PCDHA4: variants seen among roughly 807,000 people sequenced by gnomAD.
The protein encoded by PCDHA4 is protocadherin alpha-4.
Under a neutral mutation model 61.4 loss-of-function variants are expected in PCDHA4, and 49 were observed. The ratio of observed to expected loss-of-function variants is 0.80; its 90% CI spans 0.63 to 1.01. The LOEUF (loss-of-function observed/expected upper bound fraction) is 1.01. Ranked by LOEUF, PCDHA4 falls within the 50% of genes least tolerant of loss-of-function variation. The probability of loss-of-function intolerance (pLI) is 0.00; values close to 1 mark genes in which losing one functional copy is unlikely to be tolerated. For missense variants in PCDHA4, 1,254 were observed against 1,235.8 expected, an observed-to-expected ratio of 1.01 and a Z score of -0.22; for synonymous variants, 590 against 550.3, an observed-to-expected ratio of 1.07 and a Z score of -1.01.
At chr5:141,006,993 T>A (rs1484865636) in intron 3 of PCDHA4, among the ~76,000 whole-genome samples, 5 of 152,290 alleles carry the variant, frequency 3.3e-5, no homozygotes, top group African/African-American at 4.8e-5. Flanking sequence ...GCTTAAAATA[T>A]AAGTCTGCAT....
At chr5:140,869,484 C>T (rs782167038) in intron 1 of PCDHA4, 2 of 1,613,948 alleles carry the variant, frequency 1.2e-6, no homozygotes, top group South Asian at 2.2e-5. Flanking sequence ...AGGACATTAA[C>T]GACAACCCGC....
chr5:140,836,654 G>A (rs1164686105), intron 1 of PCDHA4: 7 of 1,613,324 alleles, frequency 4.3e-6, no homozygotes, highest in Middle Eastern at 1.6e-4. Context: ...GGCGGCAGAG[G>A]GTGTGCTCTG....
intron 1 of PCDHA4, chr5:140,854,468 A>G (rs1581342472): frequency 6.7e-6 from 1 of 150,046 alleles, no homozygotes; most frequent in African/African-American, 2.4e-5. Flanking sequence ...CCAGAGGAGT[A>G]GAGAAGTATA....
At position 140,828,334 on chromosome 5, in the gene PCDHA4, T is replaced by G. The variant is rs782374670; in HGVS notation, c.2385+18762T>G. 3.7e-6 allele frequency: 6 copies of G among 1,614,106 alleles called. No individual in the cohort carries two copies. The highest frequency in any genetic ancestry group is 5.1e-6 in the Non-Finnish European group (6 of 1,180,052). On this transcript the variant is annotated intron_variant, in intron 1 of 3. Coordinates refer to ENST00000530339, the MANE Select transcript of PCDHA4 (RefSeq NM_018907.4). ...ACCTTCTGGAGGTAAATCTGCAGAA[T>G]GGCATTTTGTTTGTGAATTCTCGGA...
At chr5:140,923,397 G>A (rs1392831353) in intron 1 of PCDHA4, among the ~76,000 whole-genome samples, 2 of 152,128 alleles carry the variant, frequency 1.3e-5, no homozygotes, top group East Asian at 3.9e-4. Flanking sequence ...GCATGGTGGT[G>A]TGTGCCTATA....
chr5:140,952,371 C>T (rs186648472), intron 1 of PCDHA4, among the ~76,000 whole-genome samples: 1 of 151,860 alleles, frequency 6.6e-6, no homozygotes, highest in African/African-American at 2.4e-5. Flanking sequence ...AAGAAATTTC[C>T]TCTGCCAGGT....
At chr5:140,936,449 C>A (rs1245206418) in intron 1 of PCDHA4, among the ~76,000 whole-genome samples, 1 of 152,174 alleles carries the variant, frequency 6.6e-6, no homozygotes, top group African/African-American at 2.4e-5. Context: ...ATAACCACAT[C>A]TGTTTAGTGG....
At chr5:140,880,369 G>A (rs1055944264) in intron 1 of PCDHA4, among the ~76,000 whole-genome samples, 4 of 152,210 alleles carry the variant, frequency 2.6e-5, no homozygotes, top group African/African-American at 9.7e-5. Context: ...TGAAAACCAT[G>A]AGAGAATAGA....
intron 1 of PCDHA4, chr5:140,854,176 A>AAT: frequency 1.5e-6 from 1 of 663,712 alleles, no homozygotes; most frequent in Non-Finnish European, 1.9e-6. Flanking sequence ...AAAAAAAAAA[A>AAT]GAGTAGTTTA....
chr5:140,824,612 T>TG (rs1423222096), intron 1 of PCDHA4: 8 of 117,268 alleles, frequency 6.8e-5, no homozygotes, highest in African/African-American at 3.2e-4. Context: ...TAATTAAAGT[T>TG]TTTTTTTTTT....
intron 2 of PCDHA4, among the ~76,000 whole-genome samples, chr5:140,982,082 C>G (rs188673632): frequency 6.6e-6 from 1 of 152,276 alleles, no homozygotes; most frequent in Admixed American, 6.5e-5. Flanking sequence ...AGTAGAGAAC[C>G]TAGGAACAAG....
At chr5:140,817,974 C>T (rs1766249116) in intron 1 of PCDHA4, among the ~76,000 whole-genome samples, 2 of 152,138 alleles carry the variant, frequency 1.3e-5, no homozygotes, top group African/African-American at 4.8e-5. Flanking sequence ...TTTTTTCTGT[C>T]TAGCTACTTT....
Position 141,003,329 on chromosome 5 carries a change from T to C in PCDHA4, c.2534-6298T>C, listed in dbSNP as rs571160293. On this transcript the variant is annotated intron_variant, in intron 3 of 3. Transcript: ENST00000530339. ...GGCCAGCTACTTCCAGAGGGCAGGG[T>C]TTTTTGTTTGTTTGCTCTGTCACCC... Among the ~76,000 whole-genome samples the C allele has an allele frequency of 7.2e-5, 11 of 152,118 alleles. No homozygotes were observed. The South Asian group carries it at 2.3e-3, about 32-fold the overall frequency.
chr5:140,850,185 G>A (rs2150471887), intron 1 of PCDHA4: 2 of 1,593,890 alleles, frequency 1.3e-6, no homozygotes, highest in South Asian at 1.1e-5. Context: ...CAATGCGCCG[G>A]CGCTGCTGAC....
At chr5:140,836,002 C>T in intron 1 of PCDHA4, 4 of 1,613,242 alleles carry the variant, frequency 2.5e-6, no homozygotes, top group Non-Finnish European at 2.5e-6. Flanking sequence ...GCGCGCGATG[C>T]GGGCGTGCCG....
chr5:140,836,316 C>T (rs2150257543), intron 1 of PCDHA4: 5 of 1,613,630 alleles, frequency 3.1e-6, no homozygotes, highest in Non-Finnish European at 4.2e-6. Context: ...CGCACCGCGC[C>T]ACCGCCTTCT....
At chr5:140,967,613 G>C in intron 1 of PCDHA4, 1 of 1,614,182 alleles carries the variant, frequency 6.2e-7, no homozygotes, top group Non-Finnish European at 8.5e-7. Flanking sequence ...GAATGCCTCA[G>C]ACCCGGATGA....
At chr5:140,902,301 G>A (rs943083254) in intron 1 of PCDHA4, among the ~76,000 whole-genome samples, 1 of 149,570 alleles carries the variant, frequency 6.7e-6, no homozygotes, top group African/African-American at 2.5e-5. Context: ...GCCTCCCAAA[G>A]TGCTGGGATT....
At chr5:141,008,299 C>T (rs1223779122) in intron 3 of PCDHA4, among the ~76,000 whole-genome samples, 2 of 152,120 alleles carry the variant, frequency 1.3e-5, no homozygotes, top group Non-Finnish European at 2.9e-5. Flanking sequence ...TGTACCCAAC[C>T]CTAAACTGTA....
Sources: allele counts gnomAD v4.1 joint callset (sites outside exome capture counted in the v4.1 genomes callset), GRCh38; gene constraint gnomAD v4.1.1; transcripts MANE v1.5; gene names NCBI Gene and HGNC (gene_info 2026-07-23, HGNC 2026-07-21).